The following LCTL variants were observed in gnomAD, a reference collection of about 807,000 sequenced individuals.
LCTL encodes the protein lactase-like protein.
A neutral mutation model predicts 75.8 loss-of-function variants in LCTL; 76 were observed. That is an observed-to-expected ratio of 1.00 (90% CI 0.83 to 1.21). The LOEUF is 1.21. Among genes scored for constraint, LCTL ranks in the 50% most tolerant of loss-of-function variants. LCTL has a pLI of 0.00. For synonymous variants in LCTL, 271 were observed against 268.8 expected (o/e 1.01, Z -0.08); for missense variants, 670 against 712.4 (o/e 0.94, Z 0.68).
exon 1 of LCTL, chr15:66,565,423 GCC>G: frequency 4.3e-6 from 5 of 1,157,604 alleles, no homozygotes; most frequent in Non-Finnish European, 6.2e-6. Context: ...GGCCCCTGCA[GCC>G]AGGCTGATGG....
At chr15:66,564,688 G>A (rs1895979047) in exon 2 of LCTL, 1 of 1,612,452 alleles carries the variant, frequency 6.2e-7, no homozygotes, top group Non-Finnish European at 8.5e-7. Flanking sequence ...GGACCTTGTA[G>A]TAGCCGTCAC....
intron 6 of LCTL, 37 bp from the exon 8 acceptor site, chr15:66,558,073 C>T: frequency 1.3e-6 from 2 of 1,552,326 alleles, no homozygotes; most frequent in South Asian, 1.2e-5. Flanking sequence ...AGGTACCTGG[C>T]CCATCCATTT....
intron 6 of LCTL, 25 bp downstream of exon 7, chr15:66,560,980 TC>T (rs932362180): frequency 6.2e-7 from 1 of 1,610,116 alleles, no homozygotes. Flanking sequence ...CTGAGGCTGT[TC>T]CTCCACCAGA....
At chr15:66,547,649 T>C (rs1895427016) in exon 13 of LCTL, 1 of 152,230 alleles carries the variant, frequency 6.6e-6, no homozygotes, top group Non-Finnish European at 1.5e-5. Flanking sequence ...GTAAGTTGAA[T>C]TTAGTCAGAG....
exon 1 of LCTL, chr15:66,565,366 G>A (rs1271069061): frequency 1.3e-6 from 2 of 1,592,752 alleles, no homozygotes; most frequent in South Asian, 2.2e-5. Flanking sequence ...CTGGCTTCAT[G>A]GTGCCTGGCC....
chr15:66,551,536 C>A, intron 11 of LCTL, 126 bp downstream of exon 12: 1 of 714,974 alleles, frequency 1.4e-6, no homozygotes, highest in Non-Finnish European at 2.4e-6. Flanking sequence ...AAATAAAGGG[C>A]CATGCCGCAT....
chr15:66,552,223 T>G lies in LCTL; in HGVS notation c.1198-54A>C, dbSNP rs908932189. ...TTAAAAATTCTGACCTACAGGTAGG[T>G]TTCTGAGTCAGAGGCTCATATAGGA... On this transcript the variant is annotated intron_variant, in intron 9 of 12. Coordinates refer to ENST00000341509, the Ensembl canonical transcript of LCTL. 7 of 1,527,452 alleles carry G rather than the reference T, an allele frequency of 4.6e-6. No homozygotes were observed. The African/African-American group carries it at 9.7e-5, about 21-fold the overall frequency. The allele number at this position is 1,527,452 out of a possible 1,614,324, so 94.6% of individuals were successfully genotyped here.
intron 2 of LCTL, chr15:66,564,237 C>T (rs1895965396): frequency 5.4e-6 from 3 of 559,706 alleles, no homozygotes; most frequent in Non-Finnish European, 9.6e-6. Context: ...TCAGGGTGCC[C>T]CTAGTAAACC....
At chr15:66,551,570 A>G (rs1895600513) in intron 11 of LCTL, 92 bp downstream of exon 12, 1 of 995,706 alleles carries the variant, frequency 1.0e-6, no homozygotes, top group Admixed American at 2.1e-5. Flanking sequence ...TCATGGAGGA[A>G]AGAGAAGAGA....
chr15:66,554,620 G>T (rs983527592), intron 8 of LCTL, among the ~76,000 whole-genome samples: 1 of 152,182 alleles, frequency 6.6e-6, no homozygotes, highest in Non-Finnish European at 1.5e-5. Context: ...ACTCACACAT[G>T]TAAAGGGATG....
exon 13 of LCTL, chr15:66,548,214 C>T (rs1198551543): frequency 1.3e-5 from 3 of 239,638 alleles, no homozygotes; most frequent in Non-Finnish European, 2.4e-5. Context: ...TACTATGATG[C>T]CATTTTTGTA....
rs74022028 is a variant in LCTL at position 66,552,312 on chromosome 15, A to G, written c.1198-143T>C. The G allele has an allele frequency of 1.9e-4, 118 of 621,674 alleles. No homozygotes were observed. The African/African-American group carries it at 2.2e-3, about 11-fold the overall frequency. The allele number at this position is 621,674 out of a possible 1,614,324, so 38.5% of individuals were successfully genotyped here. ...TTTGGCATTTAGTAGATGTCAGATA[A>G]CATGTTTATTTAGAGACTAATGTAG... On this transcript the variant is annotated intron_variant, in intron 9 of 12. Transcript: ENST00000341509.
intron 4 of LCTL, 102 bp downstream of exon 5, chr15:66,563,414 A>G (rs1282631433): frequency 2.9e-6 from 2 of 678,904 alleles, no homozygotes; most frequent in Non-Finnish European, 5.2e-6. Context: ...CAGAATCCAG[A>G]CCCTAGTCTC....
chr15:66,552,409 G>A (rs150421934), intron 9 of LCTL, among the ~76,000 whole-genome samples: 1 of 152,274 alleles, frequency 6.6e-6, no homozygotes, highest in East Asian at 1.9e-4. Context: ...GGTGGCTCAC[G>A]CCTGTAATCC....
chr15:66,548,925 TC>T (rs1895488348), intron 12 of LCTL: 1 of 162,808 alleles, frequency 6.1e-6, no homozygotes, highest in African/African-American at 2.4e-5. Flanking sequence ...ATTCCACAGT[TC>T]CTATAATTTT....
rs1244178528 is a variant in LCTL, at chr15:66,564,409, C to G, written c.282+267G>C. 14 of 496,810 alleles carry G rather than the reference C, an allele frequency of 2.8e-5. No homozygotes were observed. In the South Asian group the frequency reaches 3.4e-4, roughly 12 times the overall value. The allele number at this position is 496,810 out of a possible 1,614,324, so 30.8% of individuals were successfully genotyped here. A position where few individuals can be genotyped will look rare whatever the true frequency, so the allele number is the denominator to read the frequency against. ...CTGTGGGATCAGCCCTTCAGCTCCC[C>G]CTTCACTTGGCCTGAGGCACTGGCT... On this transcript the variant is annotated intron_variant, in intron 2 of 12. Transcript: ENST00000341509.
intron 11 of LCTL, among the ~76,000 whole-genome samples, 190 bp downstream of exon 12, chr15:66,551,472 T>C (rs1359786024): frequency 6.6e-6 from 1 of 151,994 alleles, no homozygotes; most frequent in African/African-American, 2.4e-5. Flanking sequence ...GGTAGTGCCC[T>C]TAGATTGAAG....
At chr15:66,565,436 C>A in exon 1 of LCTL, 1 of 1,024,676 alleles carries the variant, frequency 9.8e-7, no homozygotes, top group East Asian at 2.6e-5. Context: ...AGGCTGATGG[C>A]CAGGTCTTGG....
exon 1 of LCTL, chr15:66,565,447 CT>C: frequency 1.1e-6 from 1 of 899,718 alleles, no homozygotes; most frequent in Non-Finnish European, 1.7e-6. Context: ...CAGGTCTTGG[CT>C]TAGGGCAAAG....
Sources: allele counts gnomAD v4.1 joint callset (sites outside exome capture counted in the v4.1 genomes callset), GRCh38; gene constraint gnomAD v4.1.1; transcripts MANE v1.5; gene names NCBI Gene and HGNC (gene_info 2026-07-23, HGNC 2026-07-21).